IFT88: variants seen among roughly 807,000 people sequenced by gnomAD.
IFT88 encodes intraflagellar transport 88, also known as intraflagellar transport protein 88 homolog.
Under a neutral mutation model 119.5 loss-of-function variants are expected in IFT88, and 74 were observed. The ratio of observed to expected loss-of-function variants is 0.62; its 90% confidence interval spans 0.51 to 0.75. The LOEUF is 0.75. Among genes scored for constraint, IFT88 ranks in the 30% least tolerant of loss-of-function variants. The pLI, the probability that IFT88 is intolerant of heterozygous loss-of-function variation, is 0.00. For missense variants in IFT88, 961 were observed against 977.7 expected (o/e 0.98, Z 0.23); for synonymous variants, 279 against 316.7 (o/e 0.88, Z 1.26).
At chr13:20,621,705 T>C (rs1404154263) in intron 14 of IFT88, among the ~76,000 whole-genome samples, 1 of 152,176 alleles carries the variant, frequency 6.6e-6, no homozygotes, top group Non-Finnish European at 1.5e-5. Context: ...CATCCCAGTA[T>C]GGTACATTTG....
chr13:20,583,055 A>G (rs1180610562), intron 3 of IFT88, 36 bp downstream of exon 3: 5 of 1,289,494 alleles, frequency 3.9e-6, no homozygotes, highest in Non-Finnish European at 5.6e-6. Context: ...TTGTGGTAAA[A>G]AATACATAAC....
Position 20,601,842 on chromosome 13 carries a change from C to G in IFT88, c.950C>G (p.Ala317Gly). 6.2e-7 allele frequency: 1 copy of G among 1,613,038 alleles called. No homozygotes were observed. Among genetic ancestry groups the G allele is most frequent in the Non-Finnish European group, 8.5e-7 (1 of 1,179,114 alleles). The change falls in exon 12 of 26, where the codon GCT becomes GGT. Residue 317 changes from alanine to glycine, a missense_variant. Physicochemically the swap from Ala to Gly is moderately conservative, Grantham distance 60 (BLOSUM62 0). Coordinates refer to ENST00000351808, the MANE Select transcript of IFT88 (RefSeq NM_006531.5). Reference protein sequence around the residue: ...AGYNLTICYFAIGDREKMKKA... With the variant: ...AGYNLTICYFGIGDREKMKKA... ...TACAACCTAACTATCTGTTATTTTG[C>G]TATTGGAGACCGAGAAAAAATGAAG...
intron 3 of IFT88, among the ~76,000 whole-genome samples, chr13:20,585,775 A>C (rs2039554773): frequency 6.6e-6 from 1 of 152,204 alleles, no homozygotes; most frequent in Non-Finnish European, 1.5e-5. Flanking sequence ...CTTTGAGTAA[A>C]GTTAATTCTT....
At chr13:20,596,099 G>T (rs2041597732) in intron 7 of IFT88, 51 bp from the exon 8 acceptor site, 1 of 561,522 alleles carries the variant, frequency 1.8e-6, no homozygotes, top group South Asian at 4.0e-5. Context: ...TTTTAGTATA[G>T]ATTTTTAGAG....
At chr13:20,572,191 C>T (rs1472533972) in intron 1 of IFT88, among the ~76,000 whole-genome samples, 1 of 151,928 alleles carries the variant, frequency 6.6e-6, no homozygotes, top group African/African-American at 2.4e-5. Context: ...TGTACTTATC[C>T]ATTTACCTAT....
rs369279941 is a variant in IFT88 at position 20,574,349 on chromosome 13, A to G, written c.-6-31A>G. ...ATATATATATATATTTCTTATACCA[A>G]GAACATATTTACACTGCCAGTTTTT... On this transcript the variant is annotated intron_variant, in intron 1 of 25. Coordinates refer to ENST00000351808, the MANE Select transcript of IFT88 (RefSeq NM_006531.5). The G allele has an allele frequency of 6.4e-4, 834 of 1,293,558 alleles. 2 individuals carry two copies. The highest frequency in any genetic ancestry group is 5.5e-3 in the Middle Eastern group (29 of 5,314). The allele number at this position is 1,293,558 out of a possible 1,614,324, so 80.1% of individuals were successfully genotyped here.
At chr13:20,626,043 CTTTTTTTTTTTTTT>C (rs528587128) in intron 15 of IFT88, among the ~76,000 whole-genome samples, 194 bp downstream of exon 15, 12 of 39,574 alleles carry the variant, frequency 3.0e-4, no homozygotes, top group African/African-American at 9.3e-4. Flanking sequence ...TTTGTCGTTT[CTTTTTTTTTTTTTT>C]TTTTTTTTTT....
intron 20 of IFT88, among the ~76,000 whole-genome samples, chr13:20,648,449 T>C (rs998433789): frequency 7.9e-5 from 12 of 152,158 alleles, no homozygotes; most frequent in Non-Finnish European, 1.6e-4. Context: ...GAGATTGTTA[T>C]AAGTTTCAGA....
rs746589886 is a variant in IFT88 at position 20,690,668 on chromosome 13, A to G, written c.2243-37A>G. On this transcript the variant is annotated intron_variant, in intron 24 of 25. Transcript: ENST00000351808. ...TAATGTAGTTTTATGTTTTCTCAACATATTAAACAAATGCATTTTTATTTT... is the reference window on the plus strand; with the variant it reads ...TAATGTAGTTTTATGTTTTCTCAACGTATTAAACAAATGCATTTTTATTTT... 12 of 1,318,854 alleles carry G rather than the reference A, an allele frequency of 9.1e-6. No homozygotes were observed. In the South Asian group the frequency reaches 1.3e-4, roughly 14 times the overall value. 81.7% of individuals were successfully genotyped at this position (1,318,854 alleles called of 1,614,324 possible).
intron 13 of IFT88, among the ~76,000 whole-genome samples, chr13:20,608,760 G>C (rs926706227): frequency 6.6e-6 from 1 of 152,174 alleles, no homozygotes; most frequent in African/African-American, 2.4e-5. Context: ...TGAAGTTCCT[G>C]GCAAAGGTTC....
intron 16 of IFT88, among the ~76,000 whole-genome samples, chr13:20,634,452 C>T (rs976816810): frequency 6.6e-6 from 1 of 152,148 alleles, no homozygotes; most frequent in African/African-American, 2.4e-5. Context: ...TGCCTGTAAT[C>T]CCAGCACTTT....
chr13:20,621,526 TAAAAAAAA>T lies in IFT88; in HGVS notation c.1200-4200_1200-4193del, dbSNP rs200491393. ...TCAATTTTCCCAAAACCTGCTGAGA[TAAAAAAAA>T]AAAAAAAAAAAAAAAAAAAAAAAGA... On this transcript the variant is annotated intron_variant, in intron 14 of 25. Transcript: ENST00000351808. Among the ~76,000 whole-genome samples, 231 of 130,732 alleles carry T rather than the reference TAAAAAAAA, an allele frequency of 1.8e-3. No individual in the cohort carries two copies. The Middle Eastern group carries it at 0.024, about 14-fold the overall frequency. The allele number at this position is 130,732 out of a possible 152,430, so 85.8% of individuals were successfully genotyped here. A position where few individuals can be genotyped will look rare whatever the true frequency, so the allele number is the denominator to read the frequency against.
chr13:20,592,307 G>T, intron 6 of IFT88, 28 bp from the exon 7 acceptor site: 2 of 1,564,696 alleles, frequency 1.3e-6, no homozygotes, highest in Non-Finnish European at 1.8e-6. Flanking sequence ...GTTACAAATT[G>T]AATATTAACT....
At chr13:20,675,151 A>C (rs1204050453) in intron 24 of IFT88, among the ~76,000 whole-genome samples, 1 of 152,104 alleles carries the variant, frequency 6.6e-6, no homozygotes, top group African/African-American at 2.4e-5. Flanking sequence ...CGAGACAAGG[A>C]GTGTACGCTC....
chr13:20,571,557 G>A (rs922265406), intron 1 of IFT88, among the ~76,000 whole-genome samples: 5 of 152,080 alleles, frequency 3.3e-5, no homozygotes, highest in Admixed American at 2.0e-4. Context: ...TTTCTCCCAT[G>A]CTTCTGTCCA....
intron 13 of IFT88, chr13:20,607,994 C>T (rs1264569913): frequency 5.1e-6 from 3 of 585,962 alleles, no homozygotes; most frequent in Non-Finnish European, 9.8e-6. Flanking sequence ...TGGACCTGAG[C>T]AGCAAGGAAC....
At chr13:20,654,342 T>C (rs2052371846) in intron 21 of IFT88, among the ~76,000 whole-genome samples, 1 of 152,214 alleles carries the variant, frequency 6.6e-6, no homozygotes, top group Non-Finnish European at 1.5e-5. Flanking sequence ...AGTGTGACTA[T>C]ATGTTTTTTA....
intron 14 of IFT88, among the ~76,000 whole-genome samples, chr13:20,621,850 A>G (rs1466736238): frequency 6.6e-6 from 1 of 152,210 alleles, no homozygotes; most frequent in Non-Finnish European, 1.5e-5. Flanking sequence ...AGTATTGTAT[A>G]GAATAGCTTC....
chr13:20,568,201 A>G (rs2035348377), intron 1 of IFT88, among the ~76,000 whole-genome samples: 1 of 152,064 alleles, frequency 6.6e-6, no homozygotes, highest in South Asian at 2.1e-4. Context: ...AGGTTTTGCC[A>G]GCATTTGATT....
Sources: gnomAD v4.1 joint callset for allele counts (sites outside exome capture counted in the v4.1 genomes callset) on GRCh38, gnomAD v4.1.1 for gene constraint, MANE v1.5 for transcripts, NCBI Gene and HGNC (gene_info 2026-07-23, HGNC 2026-07-21) for gene names.